The following SNTG2 variants were observed in gnomAD, a reference collection of about 807,000 sequenced individuals.
The protein encoded by SNTG2 is syntrophin gamma 2.
A neutral mutation model predicts 70.9 loss-of-function variants in SNTG2; 74 were observed. The ratio of observed to expected loss-of-function variants is 1.04; its 90% confidence interval spans 0.86 to 1.27. The LOEUF (loss-of-function observed/expected upper bound fraction) is 1.27, where lower values mean the gene tolerates loss of function less well. Among genes scored for constraint, SNTG2 ranks in the 50% most tolerant of loss-of-function variants. The pLI, the probability that SNTG2 is intolerant of heterozygous loss-of-function variation, is 0.00. For missense variants in SNTG2, 717 were observed against 690.7 expected, an observed-to-expected ratio of 1.04 and a Z score of -0.43; for synonymous variants, 278 against 273.8, an observed-to-expected ratio of 1.02 and a Z score of -0.15.
intron 1 of SNTG2, among the ~76,000 whole-genome samples, chr2:1,064,129 A>G (rs560656861): frequency 1.8e-4 from 27 of 152,324 alleles, no homozygotes; most frequent in African/African-American, 5.3e-4. Flanking sequence ...AAATAGAACC[A>G]TATCTTCACA....
chr2:1,239,843 A>T (rs551056883), intron 11 of SNTG2, 67 bp downstream of exon 11: 11 of 1,555,870 alleles, frequency 7.1e-6, no homozygotes, highest in South Asian at 7.0e-5. Flanking sequence ...CTGATTCATG[A>T]TGTAACACAT....
chr2:982,750 C>T (rs1411517503), intron 1 of SNTG2, among the ~76,000 whole-genome samples: 2 of 152,166 alleles, frequency 1.3e-5, no homozygotes, highest in South Asian at 2.1e-4. Flanking sequence ...CTCAGCACCT[C>T]GGGTTAGTAT....
intron 11 of SNTG2, among the ~76,000 whole-genome samples, chr2:1,244,873 A>C (rs1677317060): frequency 6.6e-6 from 1 of 152,060 alleles, no homozygotes; most frequent in Non-Finnish European, 1.5e-5. Context: ...TCCAGCAGCC[A>C]GCTGCTCCGA....
At chr2:1,083,955 C>T (rs1664513777) in intron 2 of SNTG2, among the ~76,000 whole-genome samples, 1 of 151,998 alleles carries the variant, frequency 6.6e-6, no homozygotes, top group Non-Finnish European at 1.5e-5. Flanking sequence ...GCAGGGGAAT[C>T]ACTTGAATCC....
At chr2:1,103,911 C>T (rs4971441) in intron 4 of SNTG2, among the ~76,000 whole-genome samples, 55,494 of 151,976 alleles carry the variant, frequency 0.37, 10,429 homozygotes, top group East Asian at 0.53. Context: ...ACATTATAGT[C>T]GGAGAAGATA....
chr2:1,222,025 CTGCCTA>C lies in SNTG2; in HGVS notation c.719+12797_719+12802del, dbSNP rs1266546444. ...TGTCTCTCTCTGTCTCTCTCTGTCT[CTGCCTA>C]TCTCTGTCTCTCTCTGTCTCTCTCT... On this transcript the variant is annotated intron_variant, in intron 9 of 16. Coordinates refer to ENST00000308624, the MANE Select transcript of SNTG2 (RefSeq NM_018968.4). 5.8e-3 allele frequency among the ~76,000 whole-genome samples: 148 copies of C among 25,548 alleles called. 33 individuals are homozygous for C. Among genetic ancestry groups the C allele is most frequent in the East Asian group, 0.017 (6 of 350 alleles). 16.8% of individuals were successfully genotyped at this position (25,548 alleles called of 152,430 possible).
At chr2:1,355,628 A>T (rs4450657) in intron 16 of SNTG2, among the ~76,000 whole-genome samples, 87 of 151,742 alleles carry the variant, frequency 5.7e-4, no homozygotes, top group South Asian at 4.2e-4. Flanking sequence ...GGCTATTGTG[A>T]GTAGTGCTGT....
chr2:1,234,677 T>C (rs1182178897), intron 9 of SNTG2, among the ~76,000 whole-genome samples: 1 of 152,206 alleles, frequency 6.6e-6, no homozygotes, highest in African/African-American at 2.4e-5. Context: ...TGCGAGTCCG[T>C]GAGCCTCTGG....
At chr2:1,335,950 C>T (rs1291150992) in intron 16 of SNTG2, among the ~76,000 whole-genome samples, 1 of 152,146 alleles carries the variant, frequency 6.6e-6, no homozygotes, top group Non-Finnish European at 1.5e-5. Context: ...CCAGATCAAA[C>T]AAATCATATT....
intron 6 of SNTG2, among the ~76,000 whole-genome samples, chr2:1,152,558 C>G (rs4502455): frequency 0.82 from 124,567 of 151,676 alleles, 52,721 homozygotes; most frequent in Non-Finnish European, 0.94. Context: ...ACGTATGTTT[C>G]TAGGTGTGCA....
chr2:1,088,376 GTCGCC>G (rs1208661818), intron 2 of SNTG2, among the ~76,000 whole-genome samples: 5 of 152,106 alleles, frequency 3.3e-5, no homozygotes, highest in African/African-American at 1.2e-4. Flanking sequence ...GCCTGTGTGT[GTCGCC>G]TAACCTGTCT....
At chr2:1,017,922 C>CTTCCATATAT (rs1423983182) in intron 1 of SNTG2, among the ~76,000 whole-genome samples, 1 of 152,174 alleles carries the variant, frequency 6.6e-6, no homozygotes, top group Admixed American at 6.5e-5. Flanking sequence ...CAGCTCATAA[C>CTTCCATATAT]TTCCATATTT....
intron 4 of SNTG2, among the ~76,000 whole-genome samples, chr2:1,100,530 G>A (rs186078804): frequency 9.2e-5 from 14 of 152,332 alleles, no homozygotes; most frequent in Admixed American, 9.1e-4. Context: ...TACATCAAGT[G>A]TTATAATGGC....
intron 16 of SNTG2, among the ~76,000 whole-genome samples, chr2:1,361,428 G>A (rs1299729177): frequency 1.3e-5 from 2 of 152,158 alleles, no homozygotes; most frequent in African/African-American, 4.8e-5. Flanking sequence ...ACACAGTGAG[G>A]TGGCTGAGAA....
intron 9 of SNTG2, among the ~76,000 whole-genome samples, chr2:1,218,180 T>A (rs1016485332): frequency 1.3e-5 from 2 of 152,082 alleles, no homozygotes; most frequent in African/African-American, 4.8e-5. Flanking sequence ...AATCTATGAC[T>A]TCCTTCACTC....
chr2:1,239,919 A>T, intron 11 of SNTG2, 143 bp downstream of exon 11: 1 of 1,042,654 alleles, frequency 9.6e-7, no homozygotes, highest in Non-Finnish European at 1.4e-6. Context: ...ACATTAGCAC[A>T]TTTCAGACTG....
At chr2:1,200,361 ATCAAC>A (rs1188360667) in intron 8 of SNTG2, among the ~76,000 whole-genome samples, 6 of 152,094 alleles carry the variant, frequency 3.9e-5, no homozygotes, top group Non-Finnish European at 8.8e-5. Flanking sequence ...ATATTAAAAA[ATCAAC>A]TCAAAGTGGA....
intron 1 of SNTG2, among the ~76,000 whole-genome samples, chr2:954,082 A>G (rs73908613): frequency 6.6e-6 from 1 of 152,092 alleles, no homozygotes. Flanking sequence ...CTGTTAGCTC[A>G]TGTAGCATGT....
intron 8 of SNTG2, among the ~76,000 whole-genome samples, chr2:1,186,171 G>T (rs1208968552): frequency 6.6e-6 from 1 of 152,066 alleles, no homozygotes; most frequent in African/African-American, 2.4e-5. Context: ...TGCTATAAGT[G>T]TAACAAAAGT....
Sources: gnomAD v4.1 joint callset for allele counts (sites outside exome capture counted in the v4.1 genomes callset) on GRCh38, gnomAD v4.1.1 for gene constraint, MANE v1.5 for transcripts, NCBI Gene and HGNC (gene_info 2026-07-23, HGNC 2026-07-21) for gene names.